Variants in AFAP1 observed in about 807,000 individuals in gnomAD.
AFAP1 encodes actin filament-associated protein 1.
In AFAP1, 75 loss-of-function variants were observed where a neutral mutation model predicts 93.9. The observed-to-expected ratio is 0.80, with a 90% CI of 0.66 to 0.97. The LOEUF (loss-of-function observed/expected upper bound fraction) is 0.97. AFAP1 is among the 50% of genes least tolerant of loss of function. The probability of loss-of-function intolerance (pLI) is 0.00; values close to 1 mark genes in which losing one functional copy is unlikely to be tolerated. For synonymous variants in AFAP1, 517 were observed against 430.7 expected (o/e 1.20, Z -2.48); for missense variants, 1,201 against 1,050.8 (o/e 1.14, Z -1.98).
intron 6 of AFAP1, among the ~76,000 whole-genome samples, chr4:7,834,993 C>T (rs80266699): frequency 3.7e-5 from 5 of 133,680 alleles, no homozygotes; most frequent in African/African-American, 8.4e-5. Context: ...GAATGGACTG[C>T]GGGCTGCCTT....
At chr4:7,870,152 G>T (rs935119420) in intron 2 of AFAP1, among the ~76,000 whole-genome samples, 2 of 152,192 alleles carry the variant, frequency 1.3e-5, no homozygotes, top group African/African-American at 4.8e-5. Context: ...GGAGGAAACT[G>T]AAGTATAAAA....
At chr4:7,864,585 T>C (rs1716199181) in intron 3 of AFAP1, among the ~76,000 whole-genome samples, 1 of 152,172 alleles carries the variant, frequency 6.6e-6, no homozygotes, top group South Asian at 2.1e-4. Flanking sequence ...CTCTGTAAAA[T>C]ACCCTGAAAT....
intron 11 of AFAP1, among the ~76,000 whole-genome samples, chr4:7,790,374 T>G (rs781097170): frequency 6.6e-6 from 1 of 152,222 alleles, no homozygotes; most frequent in Non-Finnish European, 1.5e-5. Context: ...TAATCTACAT[T>G]CCTTTCTCAA....
intron 1 of AFAP1, among the ~76,000 whole-genome samples, chr4:7,886,972 G>C (rs1298406001): frequency 6.6e-6 from 1 of 152,162 alleles, no homozygotes; most frequent in Non-Finnish European, 1.5e-5. Context: ...TGTTACCCCT[G>C]ACATCCAAGG....
chr4:7,868,621 C>T lies in AFAP1; in HGVS notation c.225+1G>A. 6.2e-7 allele frequency: 1 copy of T among 1,610,868 alleles called. No homozygotes were observed. Among genetic ancestry groups the T allele is most frequent in the Non-Finnish European group, 8.5e-7 (1 of 1,179,470 alleles). ...ACTGAGATGGTGGGACCTTGACTCA[C>T]CAGCCAGGGCTGAGGGATCTCCGGC... is the stretch of plus-strand genomic sequence containing the variant. On this transcript the variant is annotated splice_donor_variant, in intron 3 of 17. Transcript: ENST00000420658. LOFTEE classifies it high-confidence loss of function.
intron 10 of AFAP1, among the ~76,000 whole-genome samples, chr4:7,794,173 T>C (rs1718166337): frequency 6.6e-6 from 1 of 152,206 alleles, no homozygotes; most frequent in Non-Finnish European, 1.5e-5. Flanking sequence ...CAACACCACC[T>C]GACCATGAGA....
intron 1 of AFAP1, among the ~76,000 whole-genome samples, chr4:7,883,207 AGAG>A (rs1411353844): frequency 2.7e-5 from 4 of 150,472 alleles, no homozygotes; most frequent in African/African-American, 7.3e-5. Context: ...AAAAAAAAAA[AGAG>A]GAGGAGGAGG....
chr4:7,822,114 ATTTTTATTTGAT>A (rs917827069), intron 6 of AFAP1, among the ~76,000 whole-genome samples: 1 of 152,048 alleles, frequency 6.6e-6, no homozygotes, highest in African/African-American at 2.4e-5. Flanking sequence ...GACAAGGCAA[ATTTTTATTTGAT>A]TTGAGGACAA....
Position 7,759,982 on chromosome 4 carries a change from ACAT to A in AFAP1, c.*3780_*3782del. On this transcript the variant is annotated 3_prime_UTR_variant, in exon 18 of 18. Transcript: ENST00000420658. Reference sequence around the variant, plus strand: ...GTGGCAAAGTCTGTGGGCAAAATTTACATCCCCCCAAATAGTGGGTGAGTAGAA... The same window carrying A: ...GTGGCAAAGTCTGTGGGCAAAATTTACCCCCCAAATAGTGGGTGAGTAGAA... The A allele has an allele frequency of 6.6e-6, 1 of 152,090 alleles. No homozygotes were observed. The highest frequency in any genetic ancestry group is 6.5e-5 in the Admixed American group (1 of 15,304). 9.4% of individuals were successfully genotyped at this position (152,090 alleles called of 1,614,324 possible). A position where few individuals can be genotyped will look rare whatever the true frequency, so the allele number is the denominator to read the frequency against.
At chr4:7,829,443 A>T (rs1375313179) in intron 6 of AFAP1, among the ~76,000 whole-genome samples, 7 of 152,318 alleles carry the variant, frequency 4.6e-5, no homozygotes, top group Non-Finnish European at 7.3e-5. Context: ...CTTAAAAGGA[A>T]ATGGGGGTGC....
In AFAP1 at chr4:7,772,912, T is replaced by TCAGCTC. The variant is rs765999626; in HGVS notation, c.2155_2160dup (p.Glu719_Leu720dup). 1.2e-6 allele frequency: 2 copies of TCAGCTC among 1,614,140 alleles called. No individual in the cohort carries two copies. Among genetic ancestry groups the TCAGCTC allele is most frequent in the African/African-American group, 1.3e-5 (1 of 75,060 alleles). On this transcript the variant is annotated inframe_insertion, in exon 16 of 18. Transcript: ENST00000420658. The stretch of plus-strand genomic sequence containing the variant: ...TTCTTCAGGCTCTCCTTGACCTCCG[T>TCAGCTC]CAGCTCCAGCTCCAGGCTGACACGC...
intron 12 of AFAP1, among the ~76,000 whole-genome samples, chr4:7,783,874 G>A (rs553858411): frequency 3.3e-5 from 5 of 152,334 alleles, no homozygotes; most frequent in Non-Finnish European, 2.9e-5. Context: ...GGTCTTTGGG[G>A]GGGACGGGCT....
intron 7 of AFAP1, among the ~76,000 whole-genome samples, chr4:7,817,530 G>A (rs561973651): frequency 2.0e-4 from 31 of 152,320 alleles, no homozygotes; most frequent in Admixed American, 6.5e-4. Flanking sequence ...GGTGGAGGCT[G>A]CAGTGAGCCA....
chr4:7,767,767 G>C (rs537845906), intron 17 of AFAP1, among the ~76,000 whole-genome samples: 1 of 152,280 alleles, frequency 6.6e-6, no homozygotes, highest in East Asian at 1.9e-4. Flanking sequence ...AGTCAACTCG[G>C]AGGGGGCTCC....
At chr4:7,846,213 T>C (rs1294579533) in intron 4 of AFAP1, among the ~76,000 whole-genome samples, 1 of 152,244 alleles carries the variant, frequency 6.6e-6, no homozygotes, top group African/African-American at 2.4e-5. Context: ...CTGACAGTGT[T>C]CTACCCTTGA....
At chr4:7,777,803 AC>A (rs994900949) in intron 14 of AFAP1, 1 of 152,102 alleles carries the variant, frequency 6.6e-6, no homozygotes, top group Non-Finnish European at 1.5e-5. Context: ...GTAAATCCCC[AC>A]ACTGCAGCCC....
At chr4:7,823,894 G>A (rs952878670) in intron 6 of AFAP1, among the ~76,000 whole-genome samples, 2 of 152,294 alleles carry the variant, frequency 1.3e-5, no homozygotes, top group African/African-American at 4.8e-5. Flanking sequence ...TCCCAGCTTC[G>A]TGGGACTCTC....
At chr4:7,841,170 G>A (rs1435027599) in intron 5 of AFAP1, among the ~76,000 whole-genome samples, 1 of 152,220 alleles carries the variant, frequency 6.6e-6, no homozygotes, top group African/African-American at 2.4e-5. Context: ...GACAACACCA[G>A]GAGCAAGGAG....
rs111842853 is a variant in AFAP1, at chr4:7,936,048, G to A, written c.-3+3608C>T. 1.9e-3 allele frequency among the ~76,000 whole-genome samples: 291 copies of A among 152,280 alleles called. 1 individual carries two copies. The highest frequency in any genetic ancestry group is 6.8e-3 in the African/African-American group (284 of 41,566). Reference sequence around the variant, plus strand: ...TCCCCAAAAGAACAAAGTACATGGAGCATATAACAAAGAACTTTTCCTAAA... The same window carrying A: ...TCCCCAAAAGAACAAAGTACATGGAACATATAACAAAGAACTTTTCCTAAA... On this transcript the variant is annotated intron_variant, in intron 1 of 17. Coordinates refer to ENST00000420658, the MANE Select transcript of AFAP1 (RefSeq NM_001134647.2).
Sources: allele counts gnomAD v4.1 joint callset (sites outside exome capture counted in the v4.1 genomes callset), GRCh38; gene constraint gnomAD v4.1.1; transcripts MANE v1.5; gene names NCBI Gene and HGNC (gene_info 2026-07-23, HGNC 2026-07-21).